TMEM74: variants seen among roughly 807,000 people sequenced by gnomAD.
The protein encoded by TMEM74 is transmembrane protein 74.
A neutral mutation model predicts 18.1 loss-of-function variants in TMEM74; 13 were observed. That is an observed-to-expected ratio of 0.72 (90% confidence interval 0.47 to 1.14). The LOEUF (loss-of-function observed/expected upper bound fraction) is 1.14, where lower values mean the gene tolerates loss of function less well. Among genes scored for constraint, TMEM74 ranks in the 50% most tolerant of loss-of-function variants. TMEM74 has a pLI of 0.00. For missense variants in TMEM74, 372 were observed against 375.9 expected, an observed-to-expected ratio of 0.99 and a Z score of 0.09; for synonymous variants, 159 against 146.6, an observed-to-expected ratio of 1.08 and a Z score of -0.61.
intron 2 of TMEM74, among the ~76,000 whole-genome samples, chr8:108,623,798 C>T (rs1454112889): frequency 6.6e-6 from 1 of 151,958 alleles, no homozygotes; most frequent in African/African-American, 2.4e-5. Flanking sequence ...GGACATTTGG[C>T]CATGTCTGGA....
At chr8:108,762,317 TGAA>T (rs111558517) in intron 1 of TMEM74, among the ~76,000 whole-genome samples, 2,711 of 152,242 alleles carry the variant, frequency 0.018, 88 homozygotes, top group African/African-American at 0.061. Context: ...GAAAATACTC[TGAA>T]TTATTTCATG....
intron 1 of TMEM74, among the ~76,000 whole-genome samples, chr8:108,717,554 GC>G (rs1380401351): frequency 1.3e-5 from 2 of 152,122 alleles, no homozygotes; most frequent in Non-Finnish European, 2.9e-5. Context: ...GCTCATAAAT[GC>G]TCCAGAGAGA....
intron 1 of TMEM74, among the ~76,000 whole-genome samples, chr8:108,659,597 C>A (rs868593750): frequency 6.6e-6 from 1 of 152,130 alleles, no homozygotes; most frequent in African/African-American, 2.4e-5. Context: ...GGACGAAACT[C>A]TTCTCCAGCA....
At chr8:108,613,879 C>G (rs1812358859) in intron 2 of TMEM74, among the ~76,000 whole-genome samples, 1 of 152,132 alleles carries the variant, frequency 6.6e-6, no homozygotes, top group Non-Finnish European at 1.5e-5. Flanking sequence ...AAACTTTGAG[C>G]ACATTACCTC....
chr8:108,678,889 C>G (rs1423089873), intron 1 of TMEM74, among the ~76,000 whole-genome samples: 2 of 141,350 alleles, frequency 1.4e-5, no homozygotes, highest in Non-Finnish European at 1.5e-5. Context: ...TAATGCCATC[C>G]TCCCCCCCTC....
intron 1 of TMEM74, among the ~76,000 whole-genome samples, chr8:108,674,606 T>G (rs1813034823): frequency 6.6e-6 from 1 of 152,196 alleles, no homozygotes; most frequent in South Asian, 2.1e-4. Context: ...GTGCTTAAGG[T>G]CAGGCCTTGT....
At chr8:108,650,051 A>G (rs1812758620) in intron 2 of TMEM74, among the ~76,000 whole-genome samples, 1 of 152,124 alleles carries the variant, frequency 6.6e-6, no homozygotes, top group Non-Finnish European at 1.5e-5. Flanking sequence ...TGCTTTTTAT[A>G]TCTCCAGCCT....
intron 1 of TMEM74, among the ~76,000 whole-genome samples, chr8:108,709,775 G>A (rs894839313): frequency 5.3e-5 from 8 of 152,182 alleles, no homozygotes; most frequent in African/African-American, 1.7e-4. Context: ...TGTTGGACAT[G>A]TCTATTTCCT....
At chr8:108,785,733 G>T (rs921752144) in intron 1 of TMEM74, among the ~76,000 whole-genome samples, 17 of 152,122 alleles carry the variant, frequency 1.1e-4, no homozygotes, top group Non-Finnish European at 2.1e-4. Flanking sequence ...AGATGAAAAA[G>T]GCCAGCTTAA....
At chr8:108,775,251 G>A (rs1255344729), downstream of TMEM74, among the ~76,000 whole-genome samples, 1 of 152,096 alleles carries the variant, frequency 6.6e-6, no homozygotes, top group Non-Finnish European at 1.5e-5. Flanking sequence ...GGAATCACTT[G>A]TCCATTGTTT....
At chr8:108,775,401 G>A (rs1814221000), downstream of TMEM74, among the ~76,000 whole-genome samples, 1 of 152,128 alleles carries the variant, frequency 6.6e-6, no homozygotes, top group Non-Finnish European at 1.5e-5. Flanking sequence ...ACAAGTTTGG[G>A]GACTCAAATG....
intron 2 of TMEM74, among the ~76,000 whole-genome samples, chr8:108,649,525 C>G (rs1470674360): frequency 6.6e-6 from 1 of 152,116 alleles, no homozygotes. Flanking sequence ...TTTTACTTTA[C>G]AAATGCCAAA....
chr8:108,700,130 G>GGTGTGTGT (rs3049748), intron 1 of TMEM74, among the ~76,000 whole-genome samples: 8,984 of 143,054 alleles, frequency 0.063, 393 homozygotes, highest in African/African-American at 0.12. Flanking sequence ...GGCCATAAAT[G>GGTGTGTGT]GTGTGTGTGT....
At chr8:108,768,473 A>T (rs1292124093) in intron 1 of TMEM74, among the ~76,000 whole-genome samples, 2 of 152,132 alleles carry the variant, frequency 1.3e-5, no homozygotes, top group South Asian at 2.1e-4. Context: ...CTTTCATTTT[A>T]AAAAAATGAG....
intron 2 of TMEM74, among the ~76,000 whole-genome samples, chr8:108,619,278 A>T (rs1038965807): frequency 2.0e-5 from 3 of 152,216 alleles, no homozygotes; most frequent in Non-Finnish European, 2.9e-5. Flanking sequence ...AGTTTTGAGT[A>T]ATAATTTTTA....
At chr8:108,669,998 A>G (rs1812986975) in intron 1 of TMEM74, among the ~76,000 whole-genome samples, 1 of 142,106 alleles carries the variant, frequency 7.0e-6, no homozygotes, top group African/African-American at 2.6e-5. Context: ...AGATTGCACC[A>G]CTGCACTCTA....
chr8:108,681,403 A>G (rs2130599286), intron 1 of TMEM74, among the ~76,000 whole-genome samples: 1 of 152,340 alleles, frequency 6.6e-6, no homozygotes, highest in Middle Eastern at 3.4e-3. Context: ...CCTGACAAAA[A>G]CAAGCAATGG....
chr8:108,681,893 A>C (rs1813118946), intron 1 of TMEM74, among the ~76,000 whole-genome samples: 1 of 152,200 alleles, frequency 6.6e-6, no homozygotes, highest in Admixed American at 6.5e-5. Context: ...AAATGCTTCA[A>C]ATCAGAATAC....
chr8:108,719,948 T>C (rs1230789095), intron 1 of TMEM74, among the ~76,000 whole-genome samples: 2 of 152,300 alleles, frequency 1.3e-5, no homozygotes, highest in East Asian at 3.8e-4. Context: ...TAAAGTATAT[T>C]TTTAAAAAAT....
Sources: gnomAD v4.1 joint callset for allele counts (sites outside exome capture counted in the v4.1 genomes callset) on GRCh38, gnomAD v4.1.1 for gene constraint, MANE v1.5 for transcripts, NCBI Gene and HGNC (gene_info 2026-07-23, HGNC 2026-07-21) for gene names.